Variants in SNX7 observed in about 807,000 individuals in gnomAD.
SNX7 encodes sorting nexin 7.
Under a neutral mutation model 48.4 loss-of-function variants are expected in SNX7, and 35 were observed. The ratio of observed to expected loss-of-function variants is 0.72; its 90% confidence interval spans 0.55 to 0.96. The LOEUF is 0.96. Among genes scored for constraint, SNX7 ranks in the 40% least tolerant of loss-of-function variants. The pLI is 0.00. For missense variants in SNX7, 553 were observed against 548.9 expected (o/e 1.01, Z -0.07); for synonymous variants, 190 against 190.2 (o/e 1.00, Z 0.01).
rs1651764345 is a variant in SNX7 at position 98,701,820 on chromosome 1, G to A, written c.1042G>A (p.Val348Ile). ...ATCTGTGTGTTTTAATGTAAAGGGT[G>A]TTATGAAAAGAAGAGACCAAATACA... is the stretch of plus-strand genomic sequence containing the variant. ...YVLYSEMLMGVMKRRDQIQAE... is the reference protein window; with the variant it reads ...YVLYSEMLMGIMKRRDQIQAE... Residue 348 changes from valine (V) to isoleucine (I), a missense_variant, in exon 7 of 9, where the codon GTT (valine) becomes ATT (isoleucine). Val to Ile is a conservative substitution (Grantham distance 29). Coordinates refer to ENST00000306121, the MANE Select transcript of SNX7 (RefSeq NM_015976.5). 1 of 1,606,394 alleles carries A rather than the reference G, an allele frequency of 6.2e-7. No individual in the cohort carries two copies. The highest frequency in any genetic ancestry group is 8.5e-7 in the Non-Finnish European group (1 of 1,175,928).
chr1:98,746,984 T>A (rs1654338966), intron 8 of SNX7, among the ~76,000 whole-genome samples: 1 of 152,054 alleles, frequency 6.6e-6, no homozygotes, highest in Non-Finnish European at 1.5e-5. Context: ...TTCTGGGTAT[T>A]TGTTTTGGTG....
rs1655043843 is a variant in SNX7 at position 98,760,155 on chromosome 1, T to A, written c.*24T>A. 6.5e-7 allele frequency: 1 copy of A among 1,529,266 alleles called. No homozygotes were observed. The highest frequency in any genetic ancestry group is 9.1e-7 in the Non-Finnish European group (1 of 1,103,628). The allele number at this position is 1,529,266 out of a possible 1,614,324, so 94.7% of individuals were successfully genotyped here. On this transcript the variant is annotated 3_prime_UTR_variant, in exon 9 of 9. Coordinates refer to ENST00000306121, the MANE Select transcript of SNX7 (RefSeq NM_015976.5). Reference sequence around the variant, plus strand: ...AATCCCATTGAGGACTTCTGTTTGATCTTTGGGAGACAGCATTTATTAACC... The same window carrying A: ...AATCCCATTGAGGACTTCTGTTTGAACTTTGGGAGACAGCATTTATTAACC...
chr1:98,681,328 G>A (rs1650478366), intron 1 of SNX7, among the ~76,000 whole-genome samples: 3 of 152,174 alleles, frequency 2.0e-5, no homozygotes, highest in Admixed American at 2.0e-4. Context: ...TAAGATTTGG[G>A]TGGGGACACA....
chr1:98,705,767 A>G (rs1462177877), intron 7 of SNX7, among the ~76,000 whole-genome samples: 3 of 152,248 alleles, frequency 2.0e-5, no homozygotes, highest in South Asian at 2.1e-4. Flanking sequence ...AGGAGGCCTT[A>G]TCTGTCAGGT....
intron 4 of SNX7, among the ~76,000 whole-genome samples, chr1:98,692,477 C>T (rs1229760894): frequency 6.6e-6 from 1 of 152,056 alleles, no homozygotes; most frequent in Non-Finnish European, 1.5e-5. Context: ...GGAACATTTC[C>T]AGCATCACTA....
intron 7 of SNX7, among the ~76,000 whole-genome samples, chr1:98,706,881 C>T (rs1158433853): frequency 6.6e-6 from 1 of 152,028 alleles, no homozygotes; most frequent in East Asian, 1.9e-4. Context: ...TTGGAAACAA[C>T]AGGTTTAATG....
At chr1:98,716,236 A>C (rs182553710) in intron 7 of SNX7, among the ~76,000 whole-genome samples, 2 of 151,864 alleles carry the variant, frequency 1.3e-5, no homozygotes, top group East Asian at 3.9e-4. Context: ...TCTTTAACAC[A>C]CTTCTGTTTC....
intron 8 of SNX7, among the ~76,000 whole-genome samples, chr1:98,748,030 G>T (rs1361087664): frequency 6.9e-6 from 1 of 144,370 alleles, no homozygotes. Flanking sequence ...AGGCTGGAGT[G>T]CAGTGCTCCA....
At chr1:98,680,580 G>A (rs377299441) in intron 1 of SNX7, among the ~76,000 whole-genome samples, 2 of 152,036 alleles carry the variant, frequency 1.3e-5, no homozygotes, top group Non-Finnish European at 2.9e-5. Flanking sequence ...GCCTTAAACA[G>A]CACCCAAGTC....
rs189018747 is a variant in SNX7, at chr1:98,665,410, G to T, written c.180+3499G>T. On this transcript the variant is annotated intron_variant, in intron 1 of 8. Transcript: ENST00000306121. ...TCAATCTCCAAAAAAGCCATGAAAT[G>T]AATTATTTAGTATGTTGTTTATACA... Among the ~76,000 whole-genome samples the T allele has an allele frequency of 1.2e-3, 190 of 152,126 alleles. 1 individual carries two copies. Among genetic ancestry groups the T allele is most frequent in the African/African-American group, 4.4e-3 (182 of 41,510 alleles).
intron 2 of SNX7, among the ~76,000 whole-genome samples, chr1:98,689,384 C>A (rs956627245): frequency 6.6e-6 from 1 of 152,112 alleles, no homozygotes; most frequent in Admixed American, 6.6e-5. Context: ...ATAACATATT[C>A]TTCTCGTTGC....
chr1:98,747,993 T>TC (rs1654387233), intron 8 of SNX7, among the ~76,000 whole-genome samples: 1 of 150,574 alleles, frequency 6.6e-6, no homozygotes. Flanking sequence ...TTTTTTTTTT[T>TC]TGAGATGGAG....
At chr1:98,719,880 AT>A (rs983511223) in intron 7 of SNX7, among the ~76,000 whole-genome samples, 26 of 148,500 alleles carry the variant, frequency 1.8e-4, no homozygotes, top group Admixed American at 2.0e-4. Context: ...TAAAATATAT[AT>A]TTTTAATGGT....
intron 8 of SNX7, among the ~76,000 whole-genome samples, chr1:98,744,464 G>A (rs1407192781): frequency 2.6e-5 from 4 of 151,888 alleles, no homozygotes; most frequent in African/African-American, 9.7e-5. Flanking sequence ...AGAGTTTTGG[G>A]GGAAAAAATG....
At chr1:98,691,415 A>C (rs1334551150) in intron 3 of SNX7, 120 bp from the exon 4 acceptor site, 3 of 921,332 alleles carry the variant, frequency 3.3e-6, no homozygotes, top group Non-Finnish European at 4.5e-6. Context: ...ATTTTTAAAA[A>C]TTATTTTTAT....
At chr1:98,700,805 G>C (rs573707083) in intron 6 of SNX7, among the ~76,000 whole-genome samples, 1 of 152,210 alleles carries the variant, frequency 6.6e-6, no homozygotes, top group South Asian at 2.1e-4. Flanking sequence ...CATTTAAATA[G>C]TGTAGAGCCA....
In SNX7 at chr1:98,662,073, T is replaced by G. The variant is rs1223624482; in HGVS notation, c.180+162T>G. The stretch of plus-strand genomic sequence containing the variant: ...GGGCTGCTGGACCCCGCCTGCCAGC[T>G]CTGGCCGCACCCGGGGCCGCGTCGC... On this transcript the variant is annotated intron_variant, in intron 1 of 8. Coordinates refer to ENST00000306121, the MANE Select transcript of SNX7 (RefSeq NM_015976.5). 4 of 676,980 alleles carry G rather than the reference T, an allele frequency of 5.9e-6. No homozygotes were observed. In the African/African-American group the frequency reaches 7.5e-5, roughly 13 times the overall value. 41.9% of individuals were successfully genotyped at this position (676,980 alleles called of 1,614,324 possible).
intron 8 of SNX7, among the ~76,000 whole-genome samples, chr1:98,740,871 C>G (rs982031951): frequency 1.7e-4 from 26 of 152,084 alleles, no homozygotes; most frequent in African/African-American, 6.0e-4. Context: ...ATCATTGTTT[C>G]TCTTTTGTAT....
chr1:98,735,171 T>C (rs1214349023), intron 7 of SNX7, among the ~76,000 whole-genome samples: 1 of 152,124 alleles, frequency 6.6e-6, no homozygotes, highest in Non-Finnish European at 1.5e-5. Context: ...TGCATAGTCT[T>C]TGTACCAAAG....
Sources: gnomAD v4.1 joint callset for allele counts (sites outside exome capture counted in the v4.1 genomes callset) on GRCh38, gnomAD v4.1.1 for gene constraint, MANE v1.5 for transcripts, NCBI Gene and HGNC (gene_info 2026-07-23, HGNC 2026-07-21) for gene names.